CAB39: variants seen among roughly 807,000 people sequenced by gnomAD.
CAB39 encodes calcium binding protein 39.
A neutral mutation model predicts 40.0 loss-of-function variants in CAB39; 8 were observed. The ratio of observed to expected loss-of-function variants is 0.20; its 90% CI spans 0.12 to 0.36. The LOEUF (loss-of-function observed/expected upper bound fraction) is 0.36, where lower values mean the gene tolerates loss of function less well. Ranked by LOEUF, CAB39 falls within the 10% of genes least tolerant of loss-of-function variation. The pLI is 1.00. For missense variants in CAB39, 270 were observed against 401.1 expected (o/e 0.67, Z 2.79); for synonymous variants, 156 against 141.6 (o/e 1.10, Z -0.72).
chr2:230,726,590 G>T (rs1559589265), intron 1 of CAB39, among the ~76,000 whole-genome samples: 1 of 152,102 alleles, frequency 6.6e-6, no homozygotes, highest in East Asian at 1.9e-4. Context: ...GCATCCCTGT[G>T]CCTTAACCTT....
chr2:230,779,030 G>C (rs1440403001), intron 2 of CAB39: 2 of 152,006 alleles, frequency 1.3e-5, no homozygotes, highest in Non-Finnish European at 2.9e-5. Context: ...TTATTAGTGA[G>C]GTGAGCATTA....
chr2:230,818,801 A>G lies in CAB39; in HGVS notation c.*97A>G. 1.0e-6 allele frequency: 1 copy of G among 965,312 alleles called. No individual in the cohort carries two copies. Among genetic ancestry groups the G allele is most frequent in the Admixed American group, 2.3e-5 (1 of 43,284 alleles). 59.8% of individuals were successfully genotyped at this position (965,312 alleles called of 1,614,324 possible). ...TTGATTCATGAGGAACATTACTGCT[A>G]ATCTGCTGTTAAGTGAACGGTTTTT... On this transcript the variant is annotated 3_prime_UTR_variant, in exon 9 of 9. Coordinates refer to ENST00000258418, the MANE Select transcript of CAB39 (RefSeq NM_016289.4).
At chr2:230,717,429 A>G (rs1452872896) in intron 1 of CAB39, among the ~76,000 whole-genome samples, 1 of 152,162 alleles carries the variant, frequency 6.6e-6, no homozygotes, top group Non-Finnish European at 1.5e-5. Context: ...TTCCGACCGG[A>G]TCCCAACCAC....
intron 2 of CAB39, among the ~76,000 whole-genome samples, chr2:230,768,713 A>ATAT: frequency 6.6e-6 from 1 of 152,326 alleles, no homozygotes; most frequent in South Asian, 2.1e-4. Context: ...GGAATGGTTA[A>ATAT]TATTAATTGA....
At chr2:230,812,691 GA>G (rs1696326508) in intron 6 of CAB39, among the ~76,000 whole-genome samples, 1 of 152,164 alleles carries the variant, frequency 6.6e-6, no homozygotes, top group African/African-American at 2.4e-5. Context: ...ATACCAAATA[GA>G]TGGCCAGCTC....
At chr2:230,748,831 A>AAAAAAAAATATATAT (rs1386799920) in intron 1 of CAB39, among the ~76,000 whole-genome samples, 5 of 28,508 alleles carry the variant, frequency 1.8e-4, no homozygotes, top group Non-Finnish European at 3.2e-4. Context: ...AAAAAAAAAA[A>AAAAAAAAATATATAT]ATATATATAT....
At chr2:230,756,465 G>A (rs1297305956) in intron 1 of CAB39, among the ~76,000 whole-genome samples, 1 of 152,156 alleles carries the variant, frequency 6.6e-6, no homozygotes, top group African/African-American at 2.4e-5. Context: ...AGATATTTAA[G>A]CTTAATGCTT....
chr2:230,714,232 C>A (rs966941993), intron 1 of CAB39, among the ~76,000 whole-genome samples: 2 of 152,132 alleles, frequency 1.3e-5, no homozygotes, highest in East Asian at 3.9e-4. Flanking sequence ...AAACTTAGAG[C>A]TCATTTCTCA....
At chr2:230,797,663 GTAGTCA>G (rs1696011978) in intron 4 of CAB39, among the ~76,000 whole-genome samples, 1 of 152,174 alleles carries the variant, frequency 6.6e-6, no homozygotes, top group African/African-American at 2.4e-5. Context: ...GGTGGGGTTA[GTAGTCA>G]TGGTGGGAGC....
chr2:230,781,123 A>G (rs1347734050), intron 2 of CAB39, among the ~76,000 whole-genome samples: 1 of 152,126 alleles, frequency 6.6e-6, no homozygotes, highest in Non-Finnish European at 1.5e-5. Context: ...CATCTCTTCT[A>G]AAAGTTTCTC....
intron 5 of CAB39, among the ~76,000 whole-genome samples, chr2:230,807,900 G>C (rs1400914371): frequency 1.3e-5 from 2 of 152,082 alleles, no homozygotes; most frequent in African/African-American, 2.4e-5. Context: ...TCCTTCTGCT[G>C]TACTTCCTCA....
chr2:230,757,788 G>A (rs1695218391), intron 1 of CAB39, among the ~76,000 whole-genome samples: 1 of 151,988 alleles, frequency 6.6e-6, no homozygotes, highest in Admixed American at 6.6e-5. Context: ...CACTGTTTAT[G>A]GAGAAGCAAC....
intron 7 of CAB39, 128 bp from the exon 8 acceptor site, chr2:230,817,626 T>C (rs1696425134): frequency 1.5e-6 from 1 of 657,278 alleles, no homozygotes; most frequent in Non-Finnish European, 2.4e-6. Context: ...GTAATTCAGT[T>C]CAGTTCTTCG....
intron 2 of CAB39, chr2:230,779,362 C>T (rs1695648964): frequency 6.6e-6 from 1 of 152,234 alleles, no homozygotes; most frequent in Non-Finnish European, 1.5e-5. Context: ...TCTCAGAAGC[C>T]ATAAGGAAAC....
rs1696375749 is a variant in CAB39, at chr2:230,815,020, T to TCATC, written c.693+908_693+911dup. On this transcript the variant is annotated intron_variant, in intron 7 of 8. Coordinates refer to ENST00000258418, the MANE Select transcript of CAB39 (RefSeq NM_016289.4). ...CGATAATGACCAAGATTCCATCCAC[T>TCATC]CATCCCCTTCCTACCGTGGGGAAAT... Among the ~76,000 whole-genome samples, 3 of 152,208 alleles carry TCATC rather than the reference T, an allele frequency of 2.0e-5. No homozygotes were observed. The South Asian group carries it at 6.2e-4, about 31-fold the overall frequency.
chr2:230,730,027 A>G (rs1694659111), intron 1 of CAB39, among the ~76,000 whole-genome samples: 1 of 152,240 alleles, frequency 6.6e-6, no homozygotes, highest in Non-Finnish European at 1.5e-5. Context: ...AAGTTGACTT[A>G]TGGAACACAG....
chr2:230,768,126 A>G (rs1695418971), intron 2 of CAB39, among the ~76,000 whole-genome samples: 1 of 152,236 alleles, frequency 6.6e-6, no homozygotes, highest in African/African-American at 2.4e-5. Flanking sequence ...TACTAATAAC[A>G]TGAAACACAG....
chr2:230,786,163 CAAAAAAAAAAAAAAAA>C lies in CAB39; in HGVS notation c.115-4699_115-4684del, dbSNP rs369510604. Among the ~76,000 whole-genome samples the C allele has an allele frequency of 1.6e-4, 12 of 72,748 alleles. No individual in the cohort carries two copies. In the East Asian group the frequency reaches 6.9e-3, roughly 42 times the overall value. 47.7% of individuals were successfully genotyped at this position (72,748 alleles called of 152,430 possible). A position where few individuals can be genotyped will look rare whatever the true frequency, so the allele number is the denominator to read the frequency against. On this transcript the variant is annotated intron_variant, in intron 2 of 8. Coordinates refer to ENST00000258418, the MANE Select transcript of CAB39 (RefSeq NM_016289.4). ...TGGGTGACAGAGCAAGACTCTGTCT[CAAAAAAAAAAAAAAAA>C]AAAAAAAAAGAGATGGAGTCTCACC...
At chr2:230,720,711 C>T (rs1438227750) in intron 1 of CAB39, among the ~76,000 whole-genome samples, 2 of 152,150 alleles carry the variant, frequency 1.3e-5, no homozygotes, top group African/African-American at 2.4e-5. Context: ...TGAGCCACCG[C>T]GCCAGGCTTA....
Sources: allele counts gnomAD v4.1 joint callset (sites outside exome capture counted in the v4.1 genomes callset), GRCh38; gene constraint gnomAD v4.1.1; transcripts MANE v1.5; gene names NCBI Gene and HGNC (gene_info 2026-07-23, HGNC 2026-07-21).